The following KIAA0513 variants were observed in gnomAD, a reference collection of about 807,000 sequenced individuals.
KIAA0513 encodes KIAA0513, also known as uncharacterized protein KIAA0513.
In KIAA0513, 39 loss-of-function variants were observed where a neutral mutation model predicts 56.5. The observed-to-expected ratio is 0.69, with a 90% CI of 0.53 to 0.90. The LOEUF is 0.90. KIAA0513 is among the 40% of genes least tolerant of loss of function. The pLI, the probability that KIAA0513 is intolerant of heterozygous loss-of-function variation, is 0.00. For synonymous variants in KIAA0513, 268 were observed against 215.6 expected (o/e 1.24, Z -2.13); for missense variants, 591 against 535.2 (o/e 1.10, Z -1.03).
Position 85,071,772 on chromosome 16 carries a change from T to C in KIAA0513, c.330-11T>C. ...TTTTTTTTTTCCTCTGCTCTTTTTT[T>C]TTTTTTTTAGGGAGGACTTGGATCA... On this transcript the variant is annotated splice_polypyrimidine_tract_variant and intron_variant, in intron 2 of 12. Coordinates refer to ENST00000683363, the MANE Select transcript of KIAA0513 (RefSeq NM_001388359.1). 2 of 1,571,668 alleles carry C rather than the reference T, an allele frequency of 1.3e-6. No homozygotes were observed.
intron 1 of KIAA0513, among the ~76,000 whole-genome samples, chr16:85,036,150 CTTTG>C (rs1246040140): frequency 5.9e-5 from 9 of 152,114 alleles, no homozygotes; most frequent in African/African-American, 2.4e-5. Flanking sequence ...TTTCCTCCTT[CTTTG>C]TTTGTTTCTT....
chr16:85,086,846 C>A (rs2073815166), intron 11 of KIAA0513, 122 bp downstream of exon 11: 2 of 959,958 alleles, frequency 2.1e-6, no homozygotes, highest in South Asian at 1.6e-5. Context: ...GGGTTCATCA[C>A]ACTTGGCCTC....
rs774318002 is a variant in KIAA0513 at position 85,067,025 on chromosome 16, TAGGCAGCCTCCCCTCC to T, written c.-36_-21del. ...GACACCAGGCTGCTGGGCTCCCCTC[TAGGCAGCCTCCCCTCC>T]AGGCAGCCTCACCAGCAGCTCCCCT... On this transcript the variant is annotated 5_prime_UTR_variant, in exon 2 of 13. Coordinates refer to ENST00000683363, the MANE Select transcript of KIAA0513 (RefSeq NM_001388359.1). 5.4e-6 allele frequency: 8 copies of T among 1,485,756 alleles called. No individual in the cohort carries two copies. The highest frequency in any genetic ancestry group is 2.1e-4 in the Middle Eastern group (1 of 4,860). The allele number at this position is 1,485,756 out of a possible 1,614,324, so 92.0% of individuals were successfully genotyped here.
At chr16:85,043,761 G>T (rs558853946) in intron 1 of KIAA0513, among the ~76,000 whole-genome samples, 2 of 152,120 alleles carry the variant, frequency 1.3e-5, no homozygotes, top group Admixed American at 1.3e-4. Context: ...GTCCGGACGC[G>T]GTGGCCCACG....
chr16:85,036,294 A>G (rs903225369), intron 1 of KIAA0513, among the ~76,000 whole-genome samples: 6 of 151,922 alleles, frequency 3.9e-5, no homozygotes, highest in African/African-American at 1.5e-4. Flanking sequence ...TGTTTCCATC[A>G]CTCCATCAAC....
chr16:85,083,661 T>G (rs1017730806), intron 10 of KIAA0513, among the ~76,000 whole-genome samples: 1 of 152,206 alleles, frequency 6.6e-6, no homozygotes, highest in Non-Finnish European at 1.5e-5. Context: ...AGCTGGCCTC[T>G]TGGGCCTTCT....
chr16:85,082,294 C>T (rs1333835174), intron 9 of KIAA0513, among the ~76,000 whole-genome samples: 6 of 152,160 alleles, frequency 3.9e-5, no homozygotes, highest in South Asian at 4.1e-4. Flanking sequence ...GAGGGAAAGA[C>T]GCTGAGACTG....
At chr16:85,049,097 C>T (rs1252934501) in intron 1 of KIAA0513, among the ~76,000 whole-genome samples, 1 of 152,250 alleles carries the variant, frequency 6.6e-6, no homozygotes, top group African/African-American at 2.4e-5. Flanking sequence ...TGTCTTAGCT[C>T]CCTGCCAAAC....
At chr16:85,072,899 T>A (rs1200475842) in intron 3 of KIAA0513, 26 bp from the exon 4 acceptor site, 2 of 1,612,398 alleles carry the variant, frequency 1.2e-6, no homozygotes, top group Admixed American at 3.3e-5. Context: ...TGAACCTCAA[T>A]GATGTGTCTG....
chr16:85,054,845 G>A (rs1310900071), intron 1 of KIAA0513, among the ~76,000 whole-genome samples: 1 of 152,132 alleles, frequency 6.6e-6, no homozygotes, highest in African/African-American at 2.4e-5. Context: ...GTACGTCCTG[G>A]CGCGGGTGGT....
chr16:85,037,810 G>A (rs1370891976), intron 1 of KIAA0513, among the ~76,000 whole-genome samples: 1 of 152,200 alleles, frequency 6.6e-6, no homozygotes, highest in Non-Finnish European at 1.5e-5. Flanking sequence ...TATGCTGTGG[G>A]AAAGAAGTAG....
chr16:85,036,323 G>A (rs1159912981), intron 1 of KIAA0513, among the ~76,000 whole-genome samples: 1 of 151,970 alleles, frequency 6.6e-6, no homozygotes, highest in East Asian at 1.9e-4. Flanking sequence ...TTTCCCATTT[G>A]CAGTCTCTGC....
At chr16:85,064,338 A>G (rs1010546442) in intron 1 of KIAA0513, among the ~76,000 whole-genome samples, 3 of 152,072 alleles carry the variant, frequency 2.0e-5, no homozygotes, top group East Asian at 1.9e-4. Flanking sequence ...TTTTCTACCC[A>G]TCTCCCCAGT....
chr16:85,052,832 A>G (rs74610603), intron 1 of KIAA0513, among the ~76,000 whole-genome samples: 5,106 of 152,264 alleles, frequency 0.034, 308 homozygotes, highest in African/African-American at 0.12. Context: ...CGCGCCCTCA[A>G]GCAGTGAGCT....
intron 1 of KIAA0513, among the ~76,000 whole-genome samples, chr16:85,053,990 C>CA (rs770896525): frequency 0.069 from 5,553 of 80,614 alleles, 351 homozygotes; most frequent in African/African-American, 0.17. Flanking sequence ...GACTCTGTCT[C>CA]AAAAAAAAAA....
At chr16:85,068,777 T>G (rs1263112125) in intron 2 of KIAA0513, among the ~76,000 whole-genome samples, 1 of 152,158 alleles carries the variant, frequency 6.6e-6, no homozygotes, top group African/African-American at 2.4e-5. Context: ...ATCCATGCAT[T>G]CTTAAACAAG....
chr16:85,072,805 C>T, intron 3 of KIAA0513, 120 bp from the exon 4 acceptor site: 2 of 958,714 alleles, frequency 2.1e-6, no homozygotes, highest in Non-Finnish European at 1.6e-6. Context: ...AGGCAGCAGA[C>T]ATCCTGGGCC....
intron 1 of KIAA0513, among the ~76,000 whole-genome samples, chr16:85,052,664 T>C (rs1177524734): frequency 1.3e-5 from 2 of 152,138 alleles, no homozygotes; most frequent in African/African-American, 2.4e-5. Context: ...TCCTGAGGCA[T>C]GGAATTGAAC....
intron 2 of KIAA0513, among the ~76,000 whole-genome samples, chr16:85,071,320 T>G (rs1193380179): frequency 6.6e-6 from 1 of 152,210 alleles, no homozygotes; most frequent in African/African-American, 2.4e-5. Context: ...GCCTCAGACC[T>G]TGGCGTCAGT....
Sources: allele counts gnomAD v4.1 joint callset (sites outside exome capture counted in the v4.1 genomes callset), GRCh38; gene constraint gnomAD v4.1.1; transcripts MANE v1.5; gene names NCBI Gene and HGNC (gene_info 2026-07-23, HGNC 2026-07-21).